The following NKAIN1 variants were observed in gnomAD, a reference collection of about 807,000 sequenced individuals.
NKAIN1 encodes the protein sodium/potassium transporting ATPase interacting 1, also known as sodium/potassium-transporting ATPase subunit beta-1-interacting protein 1.
A neutral mutation model predicts 31.6 loss-of-function variants in NKAIN1; 13 were observed. The observed-to-expected ratio is 0.41, with a 90% confidence interval of 0.27 to 0.65. NKAIN1 has a LOEUF of 0.65. NKAIN1 is among the 30% of genes least tolerant of loss of function. NKAIN1 has a pLI of 0.30. For missense variants in NKAIN1, 193 were observed against 262.2 expected (o/e 0.74, Z 1.82); for synonymous variants, 104 against 109.0 (o/e 0.95, Z 0.28).
intron 1 of NKAIN1, among the ~76,000 whole-genome samples, chr1:31,217,487 G>A (rs1371575237): frequency 6.6e-6 from 1 of 152,028 alleles, no homozygotes; most frequent in African/African-American, 2.4e-5. Flanking sequence ...TTTATTTAGT[G>A]GCACCTCCTA....
intron 1 of NKAIN1, among the ~76,000 whole-genome samples, chr1:31,215,892 G>A (rs1186314040): frequency 6.6e-6 from 1 of 152,126 alleles, no homozygotes; most frequent in Admixed American, 6.5e-5. Flanking sequence ...CATGGACTCT[G>A]GGCCAGCACT....
intron 1 of NKAIN1, among the ~76,000 whole-genome samples, chr1:31,195,892 CAA>C (rs35343235): frequency 1.5e-4 from 18 of 118,096 alleles, no homozygotes; most frequent in Non-Finnish European, 1.0e-4. Flanking sequence ...CTACCTGTCT[CAA>C]AAAAAAAAAA....
At chr1:31,238,041 T>C (rs12752761) in intron 1 of NKAIN1, among the ~76,000 whole-genome samples, 84,175 of 151,890 alleles carry the variant, frequency 0.55, 24,023 homozygotes, top group Non-Finnish European at 0.63. Context: ...CTTAATTAAT[T>C]CCCTCTGCAA....
At chr1:31,184,339 C>T (rs936145546) in intron 3 of NKAIN1, among the ~76,000 whole-genome samples, 10 of 152,256 alleles carry the variant, frequency 6.6e-5, no homozygotes, top group East Asian at 5.8e-4. Flanking sequence ...CCCCTGTGTG[C>T]GACCCTGGGC....
At chr1:31,218,892 T>C (rs1464239018) in intron 1 of NKAIN1, among the ~76,000 whole-genome samples, 1 of 152,172 alleles carries the variant, frequency 6.6e-6, no homozygotes, top group African/African-American at 2.4e-5. Flanking sequence ...GGGACGGCAG[T>C]GCGCTCAGAT....
chr1:31,209,836 A>T (rs550308710), intron 1 of NKAIN1, among the ~76,000 whole-genome samples: 1 of 151,268 alleles, frequency 6.6e-6, no homozygotes, highest in South Asian at 2.1e-4. Context: ...AGAAAAAAAA[A>T]GTTAGCCAGG....
chr1:31,181,891 T>G lies in NKAIN1; in HGVS notation c.583A>C (p.Thr195Pro). 6.2e-7 allele frequency: 1 copy of G among 1,608,386 alleles called. No individual in the cohort carries two copies. The highest frequency in any genetic ancestry group is 8.5e-7 in the Non-Finnish European group (1 of 1,178,146). ...DSYGYQAPQKTSHLQLQPLYT... is the reference protein window; with the variant it reads ...DSYGYQAPQKPSHLQLQPLYT... ...AGAGGCTGCAGCTGTAAATGCGACG[T>G]CTTCTGGGGCGCCTGGTATCCGTAG... The change falls in exon 6 of 7, where the codon ACG (threonine) becomes CCG (proline). Residue 195 changes from threonine to proline, a missense_variant. By Grantham distance (38) the Thr-to-Pro change is conservative. Coordinates refer to ENST00000373736, the MANE Select transcript of NKAIN1 (RefSeq NM_024522.3).
chr1:31,223,065 C>T (rs1027292745), intron 1 of NKAIN1, among the ~76,000 whole-genome samples: 3 of 152,100 alleles, frequency 2.0e-5, no homozygotes, highest in Non-Finnish European at 2.9e-5. Flanking sequence ...GGAAAAGCAG[C>T]GGCTCTGGGA....
At chr1:31,181,822 C>T (rs1645200552) in intron 6 of NKAIN1, 38 bp downstream of exon 6, 1 of 1,583,398 alleles carries the variant, frequency 6.3e-7, no homozygotes, top group African/African-American at 1.3e-5. Context: ...AACCCCGACG[C>T]CCAGGCCTCC....
At chr1:31,212,837 A>C (rs1290950899) in intron 1 of NKAIN1, among the ~76,000 whole-genome samples, 1 of 152,004 alleles carries the variant, frequency 6.6e-6, no homozygotes, top group Non-Finnish European at 1.5e-5. Flanking sequence ...CTCTACTAAA[A>C]ATACAAAAAG....
At chr1:31,224,540 C>T (rs1645587793) in intron 1 of NKAIN1, among the ~76,000 whole-genome samples, 1 of 152,248 alleles carries the variant, frequency 6.6e-6, no homozygotes, top group African/African-American at 2.4e-5. Flanking sequence ...AAGCTGGGGA[C>T]CAGCTAGCTG....
intron 1 of NKAIN1, among the ~76,000 whole-genome samples, chr1:31,213,986 CCT>C (rs1645490055): frequency 7.1e-6 from 1 of 140,016 alleles, no homozygotes; most frequent in Admixed American, 7.5e-5. Context: ...AGAGTGAGCC[CCT>C]GTCTCAAAAA....
Position 31,213,042 on chromosome 1 carries a change from G to GTT in NKAIN1, c.55-24857_55-24856dup, listed in dbSNP as rs34522940. The stretch of plus-strand genomic sequence containing the variant: ...CACAAAATAAAAAGCTTTTTCTTTT[G>GTT]TTTTTTTTTTTTTTGAAAAACATTA... On this transcript the variant is annotated intron_variant, in intron 1 of 6. Transcript: ENST00000373736. Among the ~76,000 whole-genome samples, 760 of 135,616 alleles carry GTT rather than the reference G, an allele frequency of 5.6e-3. 6 individuals carry two copies. Among genetic ancestry groups the GTT allele is most frequent in the African/African-American group, 0.019 (706 of 37,384 alleles). The allele number at this position is 135,616 out of a possible 152,430, so 89.0% of individuals were successfully genotyped here. A position where few individuals can be genotyped will look rare whatever the true frequency, so the allele number is the denominator to read the frequency against.
At chr1:31,216,359 G>A (rs1167363491) in intron 1 of NKAIN1, among the ~76,000 whole-genome samples, 3 of 152,136 alleles carry the variant, frequency 2.0e-5, no homozygotes, top group Non-Finnish European at 4.4e-5. Context: ...TCCCCAGAAT[G>A]ACACTGTGAG....
At chr1:31,213,416 A>G (rs559237764) in intron 1 of NKAIN1, among the ~76,000 whole-genome samples, 1 of 126,406 alleles carries the variant, frequency 7.9e-6, no homozygotes, top group African/African-American at 2.8e-5. Context: ...CTAATAAAAA[A>G]GGCAGATAAT....
chr1:31,194,613 G>A (rs1343206881), intron 1 of NKAIN1, among the ~76,000 whole-genome samples: 3 of 151,128 alleles, frequency 2.0e-5, no homozygotes, highest in Non-Finnish European at 2.9e-5. Context: ...CTCCATGTTG[G>A]TCAGGCTGGT....
chr1:31,231,697 A>T (rs6690974), intron 1 of NKAIN1, among the ~76,000 whole-genome samples: 3 of 151,830 alleles, frequency 2.0e-5, no homozygotes, highest in Non-Finnish European at 2.9e-5. Context: ...CGCCCGGCTA[A>T]TTTTTTGTAT....
Position 31,239,323 on chromosome 1 carries a change from G to C in NKAIN1, c.54+171C>G, listed in dbSNP as rs1252356338. ...AGAAGCGCACACAAAGAGACAGCCC[G>C]GCCAGCGGGAGCAGGCTCCGCCCGA... On this transcript the variant is annotated intron_variant, in intron 1 of 6. Transcript: ENST00000373736. This position sits in a 1 kb window ranked among gnomAD's most constrained non-coding sequence, Gnocchi z 4.8. 2.6e-5 allele frequency among the ~76,000 whole-genome samples: 4 copies of C among 151,978 alleles called. No homozygotes were observed. Among genetic ancestry groups the C allele is most frequent in the African/African-American group, 9.7e-5 (4 of 41,374 alleles).
intron 1 of NKAIN1, among the ~76,000 whole-genome samples, chr1:31,200,040 T>C (rs78832612): frequency 4.6e-4 from 11 of 23,886 alleles, no homozygotes; most frequent in African/African-American, 6.5e-4. Context: ...CACACACACA[T>C]GCACACGTGC....
Sources: gnomAD v4.1 joint callset for allele counts (sites outside exome capture counted in the v4.1 genomes callset) on GRCh38, gnomAD v4.1.1 for gene constraint, Gnocchi (gnomAD v3.1) non-coding constraint, MANE v1.5 for transcripts, NCBI Gene and HGNC (gene_info 2026-07-23, HGNC 2026-07-21) for gene names.